Variants in TMCC1 observed in about 807,000 individuals in gnomAD.
The protein encoded by TMCC1 is transmembrane and coiled-coil domains protein 1.
TMCC1 carries 15 observed loss-of-function variants against 52.4 expected under a neutral mutation model. That is an observed-to-expected ratio of 0.29 (90% CI 0.19 to 0.44). TMCC1 has a LOEUF of 0.44. TMCC1 is among the 20% of genes least tolerant of loss of function. TMCC1 has a pLI of 1.00. For synonymous variants in TMCC1, 279 were observed against 301.9 expected (o/e 0.92, Z 0.79); for missense variants, 503 against 806.0 (o/e 0.62, Z 4.55).
chr3:129,838,656 G>C (rs934616320), intron 2 of TMCC1, among the ~76,000 whole-genome samples: 1 of 146,394 alleles, frequency 6.8e-6, no homozygotes, highest in Non-Finnish European at 1.5e-5. Context: ...AGGAGGCTGA[G>C]GCAGGAGAAT....
intron 4 of TMCC1, among the ~76,000 whole-genome samples, chr3:129,711,110 C>T (rs1335102352): frequency 6.6e-6 from 1 of 152,150 alleles, no homozygotes; most frequent in Non-Finnish European, 1.5e-5. Flanking sequence ...GTGATCCGCC[C>T]GCCTCAGCCT....
intron 2 of TMCC1, among the ~76,000 whole-genome samples, chr3:129,854,579 T>C (rs2060067404): frequency 6.6e-6 from 1 of 152,104 alleles, no homozygotes; most frequent in South Asian, 2.1e-4. Flanking sequence ...TAACTCTCAC[T>C]GTTCAAGCCA....
At position 129,651,503 on chromosome 3, in the gene TMCC1, C is replaced by T. The variant is rs3821917; in HGVS notation, c.1940G>A (p.Arg647Gln). Residue 647 changes from arginine to glutamine, a missense_variant, in exon 7 of 7, where the codon CGG (arginine) becomes CAG (glutamine). By Grantham distance (43) the Arg-to-Gln change is conservative (BLOSUM62 1). Around this residue, in one of 7 missense-constraint regions of TMCC1, gnomAD observed 50 missense variants for 62.6 expected, o/e 0.80. Coordinates refer to ENST00000393238, the MANE Select transcript of TMCC1 (RefSeq NM_001017395.5). This position sits in a 1 kb window ranked among gnomAD's most constrained non-coding sequence, Gnocchi z 5.1. ...HWDALFSYVE[R>Q]FFSSPR ...GCATCATCTAGGGGATGAAAAGAACCGTTCCACATAGCTGAAGAGGGCGTC... is the reference window on the plus strand; with the variant it reads ...GCATCATCTAGGGGATGAAAAGAACTGTTCCACATAGCTGAAGAGGGCGTC... 2.4e-5 allele frequency: 38 copies of T among 1,613,870 alleles called. No individual in the cohort carries two copies. In the East Asian group the frequency reaches 3.6e-4, roughly 15 times the overall value.
intron 4 of TMCC1, among the ~76,000 whole-genome samples, chr3:129,713,462 A>G (rs1195251478): frequency 6.6e-6 from 1 of 152,226 alleles, no homozygotes; most frequent in Non-Finnish European, 1.5e-5. Flanking sequence ...AAATGCAATG[A>G]TATAAAATGG....
At position 129,778,678 on chromosome 3, in the gene TMCC1, G is replaced by GGT. The variant is rs903161711; in HGVS notation, c.576+49124_576+49125insAC. ...TGGAAGGTGATTAGATCATGGTGGG[G>GGT]GGGGGGCAGTCTCCCCATGCTGTTC... is the stretch of plus-strand genomic sequence containing the variant. On this transcript the variant is annotated intron_variant, in intron 4 of 6. Transcript: ENST00000393238. Among the ~76,000 whole-genome samples, 155 of 151,224 alleles carry GGT rather than the reference G, an allele frequency of 1.0e-3. 1 individual carries two copies. The highest frequency in any genetic ancestry group is 5.6e-4 in the Non-Finnish European group (38 of 67,672).
chr3:129,750,699 C>T (rs1346462203), intron 4 of TMCC1, among the ~76,000 whole-genome samples: 6 of 149,190 alleles, frequency 4.0e-5, no homozygotes, highest in Non-Finnish European at 5.9e-5. Flanking sequence ...CTCAGCCTCC[C>T]GAGTAGCTGG....
At chr3:129,691,532 A>G (rs369976305) in intron 4 of TMCC1, among the ~76,000 whole-genome samples, 160 of 151,642 alleles carry the variant, frequency 1.1e-3, no homozygotes, top group African/African-American at 3.4e-3. Flanking sequence ...TGTAATCCCA[A>G]CATTTTGGGA....
At chr3:129,883,449 C>A (rs988368188) in intron 1 of TMCC1, among the ~76,000 whole-genome samples, 1 of 152,020 alleles carries the variant, frequency 6.6e-6, no homozygotes, top group Admixed American at 6.6e-5. Flanking sequence ...CCCATTTCTA[C>A]AAAAAACTGT....
chr3:129,795,935 G>T (rs1560437263), intron 4 of TMCC1, among the ~76,000 whole-genome samples: 1 of 152,206 alleles, frequency 6.6e-6, no homozygotes, highest in African/African-American at 2.4e-5. Flanking sequence ...AGCACAAGAG[G>T]AGTGGTGCTG....
chr3:129,791,063 TAGAG>T (rs898369918), intron 4 of TMCC1, among the ~76,000 whole-genome samples: 7 of 151,048 alleles, frequency 4.6e-5, no homozygotes, highest in African/African-American at 1.5e-4. Context: ...GAGATCATGA[TAGAG>T]AGAATGATTG....
chr3:129,857,929 GTTATTTCACATT>G (rs1484757962), intron 2 of TMCC1, among the ~76,000 whole-genome samples: 1 of 152,172 alleles, frequency 6.6e-6, no homozygotes, highest in Non-Finnish European at 1.5e-5. Context: ...GGTACTTGAT[GTTATTTCACATT>G]TTACAGATGA....
chr3:129,656,257 CAT>C (rs1465981760), intron 5 of TMCC1, among the ~76,000 whole-genome samples: 5 of 152,326 alleles, frequency 3.3e-5, no homozygotes, highest in Admixed American at 2.6e-4. Flanking sequence ...GAAGAATAAA[CAT>C]ATGTCTAGCT....
At chr3:129,845,720 A>G (rs2059634446) in intron 2 of TMCC1, among the ~76,000 whole-genome samples, 1 of 152,208 alleles carries the variant, frequency 6.6e-6, no homozygotes, top group Non-Finnish European at 1.5e-5. Context: ...GGAGTTGATA[A>G]TAGAATGTCC....
At chr3:129,854,354 C>T (rs2060051629) in intron 2 of TMCC1, among the ~76,000 whole-genome samples, 1 of 149,758 alleles carries the variant, frequency 6.7e-6, no homozygotes, top group East Asian at 2.0e-4. Context: ...CGCCACCACA[C>T]TTCAGCGTGG....
At chr3:129,817,649 AT>A (rs896051914) in intron 4 of TMCC1, among the ~76,000 whole-genome samples, 2 of 149,898 alleles carry the variant, frequency 1.3e-5, no homozygotes, top group African/African-American at 2.4e-5. Flanking sequence ...TAAGCTGGGA[AT>A]TTTTTTTTTC....
chr3:129,757,204 C>A (rs1200871157), intron 4 of TMCC1, among the ~76,000 whole-genome samples: 1 of 152,108 alleles, frequency 6.6e-6, no homozygotes, highest in African/African-American at 2.4e-5. Flanking sequence ...AATCTACAAC[C>A]CCCAAGGGAA....
At chr3:129,825,090 C>A (rs2058599728) in intron 4 of TMCC1, among the ~76,000 whole-genome samples, 1 of 152,162 alleles carries the variant, frequency 6.6e-6, no homozygotes, top group Non-Finnish European at 1.5e-5. Context: ...GTCAGGCATC[C>A]ATCCCCTCAC....
chr3:129,889,227 G>A (rs923322204), intron 1 of TMCC1, among the ~76,000 whole-genome samples: 20 of 152,102 alleles, frequency 1.3e-4, no homozygotes, highest in African/African-American at 4.6e-4. Flanking sequence ...AGATGAGATC[G>A]TTCCACTGCA....
intron 2 of TMCC1, among the ~76,000 whole-genome samples, chr3:129,846,436 G>C (rs564052080): frequency 2.2e-4 from 34 of 152,242 alleles, no homozygotes; most frequent in Admixed American, 1.7e-3. Flanking sequence ...CATTTGAAAT[G>C]GTTTCGAAGG....
Sources: allele counts gnomAD v4.1 joint callset (sites outside exome capture counted in the v4.1 genomes callset), GRCh38; gene constraint gnomAD v4.1.1; regional missense constraint gnomAD v4.1.1; non-coding constraint Gnocchi (gnomAD v3.1); transcripts MANE v1.5; gene names NCBI Gene and HGNC (gene_info 2026-07-23, HGNC 2026-07-21).